The following PPA1 variants were observed in gnomAD, a reference collection of about 807,000 sequenced individuals.
PPA1 encodes the protein inorganic pyrophosphatase 1.
Under a neutral mutation model 41.8 loss-of-function variants are expected in PPA1, and 23 were observed. That is an observed-to-expected ratio of 0.55 (90% CI 0.40 to 0.78). The LOEUF (loss-of-function observed/expected upper bound fraction) is 0.78, where lower values mean the gene tolerates loss of function less well. Ranked by LOEUF, PPA1 falls within the 30% of genes least tolerant of loss-of-function variation. PPA1 has a pLI of 0.00. For synonymous variants in PPA1, 101 were observed against 116.8 expected (o/e 0.86, Z 0.87); for missense variants, 320 against 361.6 (o/e 0.89, Z 0.93).
rs375105458 is a variant in PPA1, at chr10:70,214,595, A to G, written c.298-9T>C. 1.1e-5 allele frequency: 18 copies of G among 1,603,256 alleles called. No homozygotes were observed. In the African/African-American group the frequency reaches 1.7e-4, roughly 16 times the overall value. On this transcript the variant is annotated splice_polypyrimidine_tract_variant and intron_variant, in intron 4 of 10. Coordinates refer to ENST00000373232, the MANE Select transcript of PPA1 (RefSeq NM_021129.4). The stretch of plus-strand genomic sequence containing the variant: ...CCTGGGTCTTCCCAAGTCTAAAAAT[A>G]TAAGACAGTGTATATCATTCCTATA...
chr10:70,209,451 A>G, intron 7 of PPA1, 107 bp downstream of exon 7: 1 of 1,393,590 alleles, frequency 7.2e-7, no homozygotes, highest in South Asian at 1.4e-5. Context: ...AGACTGTGTT[A>G]TGTTTCCAGA....
intron 4 of PPA1, among the ~76,000 whole-genome samples, chr10:70,216,340 A>G (rs924925390): frequency 6.6e-6 from 1 of 151,960 alleles, no homozygotes; most frequent in Non-Finnish European, 1.5e-5. Context: ...ACAAAAAATT[A>G]GCTGGGCGTG....
intron 1 of PPA1, among the ~76,000 whole-genome samples, chr10:70,231,077 C>T (rs1840285788): frequency 6.6e-6 from 1 of 152,194 alleles, no homozygotes; most frequent in Non-Finnish European, 1.5e-5. Context: ...CAGAGACAGC[C>T]AGCCATCTTA....
In PPA1 at chr10:70,217,809, T is replaced by C. The variant is rs774008614; in HGVS notation, c.297+3A>G. Reference sequence around the variant, plus strand: ...CATTGTCAGCAGTTGCATGAAGACATACCTGAGGGATGGCACCATAGTTCC... The same window carrying C: ...CATTGTCAGCAGTTGCATGAAGACACACCTGAGGGATGGCACCATAGTTCC... On this transcript the variant is annotated splice_donor_region_variant and intron_variant, in intron 4 of 10. Coordinates refer to ENST00000373232, the MANE Select transcript of PPA1 (RefSeq NM_021129.4). 6 of 1,557,120 alleles carry C rather than the reference T, an allele frequency of 3.9e-6. No individual in the cohort carries two copies. In the Admixed American group the frequency reaches 5.6e-5, roughly 15 times the overall value.
Position 70,209,207 on chromosome 10 carries a change from A to G in PPA1, c.723T>C (p.Ser241=). The G allele has an allele frequency of 6.3e-7, 1 of 1,585,566 alleles. No homozygotes were observed. The highest frequency in any genetic ancestry group is 8.7e-7 in the Non-Finnish European group (1 of 1,154,444). Residue 241 remains serine (S), a splice_region_variant and synonymous_variant, in exon 8 of 11, where the codon AGT becomes AGC. Transcript: ENST00000373232. ...VTKKTNGKGI[S]CMNTTLSESP... ...ACATGCAAAGTGTTTACACTTACCA[A>G]CTGATTCCTTTTCCATTCGTTTTCT... is the stretch of plus-strand genomic sequence containing the variant.
chr10:70,222,888 G>A (rs535816255), intron 2 of PPA1, among the ~76,000 whole-genome samples: 3 of 134,290 alleles, frequency 2.2e-5, no homozygotes, highest in East Asian at 2.2e-4. Flanking sequence ...CTGTGTCCAC[G>A]TGTTCTCATT....
At chr10:70,231,394 C>T (rs1427349051) in intron 1 of PPA1, among the ~76,000 whole-genome samples, 1 of 152,100 alleles carries the variant, frequency 6.6e-6, no homozygotes, top group Non-Finnish European at 1.5e-5. Flanking sequence ...TGGTGAAACC[C>T]CGTCTCTACT....
intron 2 of PPA1, among the ~76,000 whole-genome samples, chr10:70,219,667 G>T (rs1215532361): frequency 6.6e-6 from 1 of 152,134 alleles, no homozygotes; most frequent in Non-Finnish European, 1.5e-5. Flanking sequence ...TTTAATCAAT[G>T]ATAGTTCTAC....
At chr10:70,214,633 A>T in intron 4 of PPA1, 47 bp from the exon 5 acceptor site, 1 of 1,446,928 alleles carries the variant, frequency 6.9e-7, no homozygotes, top group Non-Finnish European at 9.6e-7. Context: ...TACTGACAAA[A>T]TGGATCATGT....
chr10:70,219,733 G>A (rs532639738), intron 2 of PPA1, among the ~76,000 whole-genome samples: 2 of 152,248 alleles, frequency 1.3e-5, no homozygotes, highest in East Asian at 1.9e-4. Context: ...TATATTCAGG[G>A]AGTAAATTCC....
intron 2 of PPA1, among the ~76,000 whole-genome samples, chr10:70,222,505 A>T (rs1840185163): frequency 6.6e-6 from 1 of 152,076 alleles, no homozygotes; most frequent in African/African-American, 2.4e-5. Flanking sequence ...AACAAAATAA[A>T]AGTTCTTTTA....
chr10:70,232,309 A>G (rs1276360809), intron 1 of PPA1, among the ~76,000 whole-genome samples: 1 of 152,190 alleles, frequency 6.6e-6, no homozygotes, highest in Non-Finnish European at 1.5e-5. Context: ...AGAGGTTACA[A>G]TAGAAGCGCC....
chr10:70,216,329 T>TTC (rs1840080575), intron 4 of PPA1, among the ~76,000 whole-genome samples: 2 of 151,336 alleles, frequency 1.3e-5, no homozygotes, highest in African/African-American at 2.4e-5. Flanking sequence ...CTAATAAAAA[T>TTC]ACAAAAAATT....
chr10:70,224,204 G>T lies in PPA1; in HGVS notation c.124-5387C>A, dbSNP rs545690887. Among the ~76,000 whole-genome samples the T allele has an allele frequency of 5.5e-4, 72 of 131,916 alleles. 1 individual carries two copies. Among genetic ancestry groups the T allele is most frequent in the Non-Finnish European group, 2.0e-4 (13 of 65,084 alleles). The allele number at this position is 131,916 out of a possible 152,430, so 86.5% of individuals were successfully genotyped here. On this transcript the variant is annotated intron_variant, in intron 2 of 10. Transcript: ENST00000373232. Reference sequence around the variant, plus strand: ...GGCAAGAGGATTGCTTAGACTAGGAGTTCAAGACCAGCCTGAGCAACATAG... The same window carrying T: ...GGCAAGAGGATTGCTTAGACTAGGATTTCAAGACCAGCCTGAGCAACATAG...
chr10:70,211,346 T>C (rs1840017520), intron 6 of PPA1, among the ~76,000 whole-genome samples: 1 of 152,186 alleles, frequency 6.6e-6, no homozygotes, highest in African/African-American at 2.4e-5. Context: ...TCTGATACTA[T>C]CTACCTGGAG....
chr10:70,226,529 T>C (rs1038628944), intron 2 of PPA1, among the ~76,000 whole-genome samples: 1 of 151,446 alleles, frequency 6.6e-6, no homozygotes, highest in South Asian at 2.1e-4. Flanking sequence ...ACTGCATGGG[T>C]GACAGAGTGA....
At chr10:70,209,860 GA>G (rs1420383174) in intron 6 of PPA1, 175 bp from the exon 7 acceptor site, 4 of 712,598 alleles carry the variant, frequency 5.6e-6, no homozygotes, top group Non-Finnish European at 9.1e-6. Flanking sequence ...ACATTGGAGC[GA>G]AGCCCCTTGT....
chr10:70,210,338 A>C, intron 6 of PPA1: 2 of 1,356,940 alleles, frequency 1.5e-6, no homozygotes, highest in Non-Finnish European at 2.0e-6. Flanking sequence ...TGGCTTCCCA[A>C]AGCACTGGGA....
intron 6 of PPA1, among the ~76,000 whole-genome samples, chr10:70,211,903 TA>T (rs1840024753): frequency 6.6e-6 from 1 of 152,310 alleles, no homozygotes; most frequent in South Asian, 2.1e-4. Flanking sequence ...AACGAAACAT[TA>T]AAGGATTGGC....
Sources: allele counts gnomAD v4.1 joint callset (sites outside exome capture counted in the v4.1 genomes callset), GRCh38; gene constraint gnomAD v4.1.1; transcripts MANE v1.5; gene names NCBI Gene and HGNC (gene_info 2026-07-23, HGNC 2026-07-21).